CCNB3: variants seen among roughly 807,000 people sequenced by gnomAD.
The protein encoded by CCNB3 is G2/mitotic-specific cyclin-B3.
Under a neutral mutation model 68.0 loss-of-function variants are expected in CCNB3, and 12 were observed. The ratio of observed to expected loss-of-function variants is 0.18; its 90% CI spans 0.11 to 0.29. The LOEUF (loss-of-function observed/expected upper bound fraction) is 0.29. Ranked by LOEUF, CCNB3 falls within the 10% of genes least tolerant of loss-of-function variation. CCNB3 has a pLI of 1.00. For synonymous variants in CCNB3, 354 were observed against 388.9 expected (o/e 0.91, Z 1.06); for missense variants, 904 against 993.1 (o/e 0.91, Z 1.21).
chrX:50,225,857 G>A (rs1174403412), intron 1 of CCNB3, among the ~76,000 whole-genome samples: 1 of 105,461 alleles, frequency 9.5e-6, no homozygotes, highest in Admixed American at 1.1e-4. Context: ...AAGTGGAGAT[G>A]TGGAGTAGTA....
intron 8 of CCNB3, among the ~76,000 whole-genome samples, chrX:50,338,758 G>A (rs1433751953): frequency 8.9e-6 from 1 of 112,484 alleles, no homozygotes; most frequent in African/African-American, 3.2e-5. Flanking sequence ...CATATAACAA[G>A]GGTGACTTTT....
At chrX:50,207,113 G>A (rs192026419) in intron 1 of CCNB3, among the ~76,000 whole-genome samples, 74 of 111,904 alleles carry the variant, frequency 6.6e-4, no homozygotes, top group Non-Finnish European at 1.2e-3. Context: ...TGTGTATGTC[G>A]TATTTATTGA....
chrX:50,308,571 A>C lies in CCNB3; in HGVS notation c.402A>C (p.Pro134=). The C allele has an allele frequency of 8.3e-7, 1 of 1,209,522 alleles. No homozygotes were observed. Among genetic ancestry groups the C allele is most frequent in the East Asian group, 3.0e-5 (1 of 33,796 alleles). The change falls in exon 6 of 13, where the codon CCA becomes CCC. Residue 134 remains proline (P), a synonymous_variant. Transcript: ENST00000376042. ...TTVVPNIMEK[P]LILDISTTSK... is the part of the protein sequence containing the mutation. ...TGGTACCAAACATTATGGAGAAACC[A>C]CTCATTCTAGACATATCCACCACCT...
intron 4 of CCNB3, among the ~76,000 whole-genome samples, chrX:50,290,202 CCATGTGGG>C (rs1936325451): frequency 8.9e-6 from 1 of 111,840 alleles, no homozygotes; most frequent in African/African-American, 3.2e-5. Flanking sequence ...GTGTCTAAGT[CCATGTGGG>C]CAATTATCAC....
At chrX:50,210,451 A>T (rs1935464817) in intron 1 of CCNB3, among the ~76,000 whole-genome samples, 1 of 111,871 alleles carries the variant, frequency 8.9e-6, no homozygotes, top group African/African-American at 3.2e-5. Context: ...ATAGAACGAA[A>T]TTGCTTGCTT....
chrX:50,288,224 T>G (rs1485796412), intron 3 of CCNB3, among the ~76,000 whole-genome samples: 1 of 110,328 alleles, frequency 9.1e-6, no homozygotes, highest in African/African-American at 3.3e-5. Context: ...CGTGGAAAAT[T>G]TGTCTTCCAT....
Position 50,279,202 on chromosome X carries a change from T to TATATATATTCTCTATATATAA in CCNB3, c.-112-5335_-112-5334insTATTCTCTATATATAAATATA, listed in dbSNP as rs1936021484. Reference sequence around the variant, plus strand: ...ATATAATATATTCTCTATATATAAATATATAGAGTATATATATTCATATAT... The same window carrying TATATATATTCTCTATATATAA: ...ATATAATATATTCTCTATATATAAATATATATATTCTCTATATATAAATATAGAGTATATATATTCATATAT... On this transcript the variant is annotated intron_variant, in intron 1 of 12. Transcript: ENST00000376042. Among the ~76,000 whole-genome samples, 3 of 1,825 alleles carry TATATATATTCTCTATATATAA rather than the reference T, an allele frequency of 1.6e-3. No individual in the cohort carries two copies. In the East Asian group the frequency reaches 0.5, roughly 304 times the overall value. 1.6% of individuals were successfully genotyped at this position (1,825 alleles called of 115,157 possible).
At chrX:50,296,374 C>G (rs782118909) in intron 5 of CCNB3, among the ~76,000 whole-genome samples, 3 of 71,568 alleles carry the variant, frequency 4.2e-5, no homozygotes, top group Non-Finnish European at 7.8e-5. Context: ...TGAGAACATG[C>G]GGTGTTTGGT....
chrX:50,345,579 ACTT>A (rs1396065964), intron 9 of CCNB3, among the ~76,000 whole-genome samples: 4 of 109,677 alleles, frequency 3.6e-5, no homozygotes, highest in Non-Finnish European at 1.9e-5. Context: ...TACTCTGGGT[ACTT>A]CTTAGCAAAT....
chrX:50,313,166 CA>C lies in CCNB3; in HGVS notation c.3423+537del, dbSNP rs781907914. On this transcript the variant is annotated intron_variant, in intron 7 of 12. Coordinates refer to ENST00000376042, the MANE Select transcript of CCNB3 (RefSeq NM_033031.3). Reference sequence around the variant, plus strand: ...CTTTACCACTAATATTCATCAATTCCAAAGTTTCTTCTAACTCTCTCAACAG... The same window carrying C: ...CTTTACCACTAATATTCATCAATTCCAAGTTTCTTCTAACTCTCTCAACAG... 1.3e-4 allele frequency among the ~76,000 whole-genome samples: 14 copies of C among 110,820 alleles called. No individual in the cohort carries two copies. The East Asian group carries it at 1.4e-3, about 11-fold the overall frequency.
intron 1 of CCNB3, among the ~76,000 whole-genome samples, chrX:50,228,526 T>C (rs1253014311): frequency 2.2e-5 from 2 of 89,681 alleles, no homozygotes; most frequent in African/African-American, 7.9e-5. Context: ...AGAGGTTATA[T>C]CTATATAGAA....
intron 8 of CCNB3, among the ~76,000 whole-genome samples, chrX:50,316,345 C>G (rs1015139500): frequency 2.7e-5 from 3 of 112,017 alleles, no homozygotes; most frequent in South Asian, 7.5e-4. Context: ...TGAAAATGGA[C>G]TAATACACAC....
chrX:50,311,411 A>G lies in CCNB3; in HGVS notation c.3242A>G (p.Lys1081Arg), dbSNP rs375237872. The G allele has an allele frequency of 1.9e-5, 23 of 1,208,893 alleles. No individual in the cohort carries two copies. The highest frequency in any genetic ancestry group is 2.5e-5 in the Non-Finnish European group (22 of 895,033). ...SSIATMTSVGKSRTTTESSAC... is the reference protein window; with the variant it reads ...SSIATMTSVGRSRTTTESSAC... ...ATTGCAACCATGACCAGCGTGGGCA[A>G]GTCCAGGACCACCACCGAGTCCAGT... The change falls in exon 6 of 13, where the codon AAG becomes AGG. Residue 1081 changes from lysine (K) to arginine (R), a missense_variant. Around this residue, in one of 2 missense-constraint regions of CCNB3, gnomAD observed 285 missense variants for 383.4 expected, o/e 0.74. Coordinates refer to ENST00000376042, the MANE Select transcript of CCNB3 (RefSeq NM_033031.3).
chrX:50,287,348 G>A (rs1387240907), intron 3 of CCNB3, among the ~76,000 whole-genome samples: 1 of 110,341 alleles, frequency 9.1e-6, no homozygotes, highest in Non-Finnish European at 1.9e-5. Context: ...CCCTTCCCCG[G>A]CCCCTCCTTT....
At chrX:50,313,273 T>G (rs1395313250) in intron 7 of CCNB3, among the ~76,000 whole-genome samples, 1 of 111,492 alleles carries the variant, frequency 9.0e-6, no homozygotes, top group African/African-American at 3.3e-5. Context: ...GAAACCCACC[T>G]ACAGATCCAC....
At chrX:50,208,820 T>C in intron 1 of CCNB3, among the ~76,000 whole-genome samples, 1 of 112,088 alleles carries the variant, frequency 8.9e-6, no homozygotes, top group East Asian at 2.8e-4. Context: ...AGAATTGGTG[T>C]TGTTCTTTAA....
At chrX:50,340,171 T>A (rs942379380) in intron 8 of CCNB3, among the ~76,000 whole-genome samples, 1 of 112,160 alleles carries the variant, frequency 8.9e-6, no homozygotes, top group Non-Finnish European at 1.9e-5. Context: ...CTCCAGTGCT[T>A]CTCATTGACA....
At chrX:50,347,292 G>A (rs1557220473) in intron 10 of CCNB3, among the ~76,000 whole-genome samples, 1 of 110,284 alleles carries the variant, frequency 9.1e-6, no homozygotes. Context: ...ACACCTTCTA[G>A]GGAGGACCAG....
intron 8 of CCNB3, among the ~76,000 whole-genome samples, chrX:50,326,768 A>G (rs10521462): frequency 0.023 from 2,591 of 111,354 alleles, 65 homozygotes; most frequent in African/African-American, 0.081. Flanking sequence ...TTGGAGCAAA[A>G]AGATTGCATA....
Sources: gnomAD v4.1 joint callset for allele counts (sites outside exome capture counted in the v4.1 genomes callset) on GRCh38, gnomAD v4.1.1 for gene constraint, gnomAD v4.1.1 regional missense constraint, MANE v1.5 for transcripts, NCBI Gene and HGNC (gene_info 2026-07-23, HGNC 2026-07-21) for gene names.